Variants in CELSR1 observed in about 807,000 individuals in gnomAD.
CELSR1 encodes the protein cadherin EGF LAG seven-pass G-type receptor 1.
CELSR1 carries 110 observed loss-of-function variants against 249.1 expected under a neutral mutation model. The ratio of observed to expected loss-of-function variants is 0.44; its 90% CI spans 0.38 to 0.52. The LOEUF (loss-of-function observed/expected upper bound fraction) is 0.52. Among genes scored for constraint, CELSR1 ranks in the 20% least tolerant of loss-of-function variants. The pLI is 0.00. For synonymous variants in CELSR1, 2,113 were observed against 1,900.0 expected, an observed-to-expected ratio of 1.11 and a Z score of -2.92; for missense variants, 4,109 against 4,296.4, an observed-to-expected ratio of 0.96 and a Z score of 1.22.
chr22:46,365,751 G>T (rs999029366), intron 30 of CELSR1, 62 bp from the exon 31 acceptor site: 1 of 1,332,384 alleles, frequency 7.5e-7, no homozygotes, highest in Non-Finnish European at 1.0e-6. Flanking sequence ...GTGCTGGAAA[G>T]TTCTCTGGAA....
chr22:46,439,135 GCTCGCCCCTTTC>G, intron 3 of CELSR1, 42 bp downstream of exon 3: 2 of 1,511,136 alleles, frequency 1.3e-6, no homozygotes, highest in Non-Finnish European at 1.8e-6. Flanking sequence ...GCACGGAGAA[GCTCGCCCCTTTC>G]CTAAAGAGAC....
At position 46,407,269 on chromosome 22, in the gene CELSR1, G is replaced by A. The variant is rs965691302; in HGVS notation, c.5226+1727C>T. Reference sequence around the variant, plus strand: ...CACACAGACATGCACAAATGTGCACGCATGGAGAGATGCACATACACAGAC... The same window carrying A: ...CACACAGACATGCACAAATGTGCACACATGGAGAGATGCACATACACAGAC... On this transcript the variant is annotated intron_variant, in intron 9 of 34. Coordinates refer to ENST00000674500, the MANE Select transcript of CELSR1 (RefSeq NM_001378328.1). This position sits in a 1 kb window ranked among gnomAD's most constrained non-coding sequence, Gnocchi z 4.8. Among the ~76,000 whole-genome samples the A allele has an allele frequency of 3.3e-5, 5 of 152,152 alleles. No individual in the cohort carries two copies. Among genetic ancestry groups the A allele is most frequent in the Non-Finnish European group, 7.3e-5 (5 of 68,036 alleles).
At chr22:46,529,494 C>T (rs906594067) in intron 1 of CELSR1, among the ~76,000 whole-genome samples, 7 of 150,604 alleles carry the variant, frequency 4.6e-5, no homozygotes, top group Non-Finnish European at 5.9e-5. Context: ...TCAATGGGTA[C>T]AAAAAAATAG....
At chr22:46,382,526 T>C (rs969889289) in intron 20 of CELSR1, among the ~76,000 whole-genome samples, 1 of 152,136 alleles carries the variant, frequency 6.6e-6, no homozygotes, top group Non-Finnish European at 1.5e-5. Context: ...TCCGCCCGCC[T>C]CGGCCTCCCA....
rs145970212 is a variant in CELSR1, at chr22:46,440,963, G to A, written c.4184-1552C>T. Among the ~76,000 whole-genome samples, 4,112 of 152,020 alleles carry A rather than the reference G, an allele frequency of 0.027. 188 individuals carry two copies. Among genetic ancestry groups the A allele is most frequent in the African/African-American group, 0.095 (3,923 of 41,414 alleles). On this transcript the variant is annotated intron_variant, in intron 2 of 34. Transcript: ENST00000674500. This position sits in a 1 kb window ranked among gnomAD's most constrained non-coding sequence, Gnocchi z 4.7. ...AGGCCAGGAGTTGAAGACCAGCCTG[G>A]CCAACATGGTGAAACCCCGTCTCTA...
rs1234143367 is a variant in CELSR1 at position 46,526,225 on chromosome 22, GT to G, written c.3544+7401del. On this transcript the variant is annotated intron_variant, in intron 1 of 34. Coordinates refer to ENST00000674500, the MANE Select transcript of CELSR1 (RefSeq NM_001378328.1). The surrounding 1 kb of genome is among the most constrained non-coding windows in gnomAD (Gnocchi z 4.7). ...GACTCAGAGAGAGGCAGAAGTTACT[GT>G]CCTGGCAAACCCGTCTACGAAGCTT... Among the ~76,000 whole-genome samples the G allele has an allele frequency of 6.6e-6, 1 of 152,162 alleles. No homozygotes were observed. The highest frequency in any genetic ancestry group is 6.5e-5 in the Admixed American group (1 of 15,284).
At chr22:46,438,897 A>C (rs1337584929) in intron 3 of CELSR1, among the ~76,000 whole-genome samples, 2 of 152,168 alleles carry the variant, frequency 1.3e-5, no homozygotes, top group African/African-American at 4.8e-5. Context: ...AGCTGGGATT[A>C]CAGGCATAAA....
Position 46,389,003 on chromosome 22 carries a change from G to A in CELSR1, c.6555+287C>T, listed in dbSNP as rs530659796. ...AAGGGAGAGGGGCTGATGCAGGTGG[G>A]CCACTTAGAATCCCTTAGAAGCCAC... is the stretch of plus-strand genomic sequence containing the variant. On this transcript the variant is annotated intron_variant, in intron 18 of 34. Coordinates refer to ENST00000674500, the MANE Select transcript of CELSR1 (RefSeq NM_001378328.1). Among the ~76,000 whole-genome samples, 7 of 152,322 alleles carry A rather than the reference G, an allele frequency of 4.6e-5. No individual in the cohort carries two copies. The East Asian group carries it at 1.4e-3, about 29-fold the overall frequency.
At chr22:46,384,443 G>C in intron 20 of CELSR1, 100 bp downstream of exon 20, 6 of 1,372,460 alleles carry the variant, frequency 4.4e-6, no homozygotes, top group Non-Finnish European at 5.8e-6. Context: ...CTCTGGCCCA[G>C]ATCTTCAGTG....
intron 17 of CELSR1, among the ~76,000 whole-genome samples, 192 bp from the exon 18 acceptor site, chr22:46,389,691 A>G (rs376119504): frequency 1.3e-5 from 2 of 152,200 alleles, no homozygotes; most frequent in Admixed American, 1.3e-4. Flanking sequence ...CAAGGCGGGT[A>G]GATCATTTGA....
rs762352956 is a variant in CELSR1, at chr22:46,364,561, G to C, written c.8730C>G (p.Ser2910Arg). 6.2e-7 allele frequency: 1 copy of C among 1,612,256 alleles called. No individual in the cohort carries two copies. The highest frequency in any genetic ancestry group is 1.7e-5 in the Admixed American group (1 of 60,010). Residue 2910 changes from serine to arginine, a missense_variant, in exon 33 of 35, where the codon AGC becomes AGG. By Grantham distance (110) the Ser-to-Arg change is moderately radical. Transcript: ENST00000674500. The part of the protein sequence containing the change: ...HRGEYPPDQE[S>R]GGAARLASSQ... ...TGCTAGCAAGCCTGGCTGCGCCCCC[G>C]CTCTCCTGGTCCGGGGGGTACTCTC...
rs777973248 is a variant in CELSR1 at position 46,447,353 on chromosome 22, T to C, written c.4184-7942A>G. Among the ~76,000 whole-genome samples, 2 of 152,234 alleles carry C rather than the reference T, an allele frequency of 1.3e-5. No homozygotes were observed. The highest frequency in any genetic ancestry group is 2.4e-5 in the African/African-American group (1 of 41,462). ...GCTATGCTGACTATCAGGATTTATC[T>C]TTCCTTTTCTAGGAATTCTCATTCA... On this transcript the variant is annotated intron_variant, in intron 2 of 34. Transcript: ENST00000674500. This position sits in a 1 kb window ranked among gnomAD's most constrained non-coding sequence, Gnocchi z 4.7.
At chr22:46,507,519 C>T (rs959523768) in intron 1 of CELSR1, among the ~76,000 whole-genome samples, 12 of 152,142 alleles carry the variant, frequency 7.9e-5, no homozygotes, top group African/African-American at 2.4e-4. Context: ...GGGCTATACT[C>T]GGTGTGCCCC....
chr22:46,405,987 C>G (rs2079262164), intron 9 of CELSR1, among the ~76,000 whole-genome samples: 1 of 152,196 alleles, frequency 6.6e-6, no homozygotes. Context: ...GCCACCCAGA[C>G]TTCCACAGGG....
At chr22:46,397,008 G>GCCCC (rs1569133437) in intron 12 of CELSR1, among the ~76,000 whole-genome samples, 4,947 of 152,234 alleles carry the variant, frequency 0.032, 266 homozygotes, top group African/African-American at 0.11. Flanking sequence ...CAGGACACAT[G>GCCCC]GGGAATGGCC....
intron 32 of CELSR1, among the ~76,000 whole-genome samples, 187 bp from the exon 33 acceptor site, chr22:46,364,923 C>G (rs1046533688): frequency 1.5e-4 from 23 of 152,210 alleles, no homozygotes; most frequent in African/African-American, 4.8e-4. Flanking sequence ...TTGTTGGGAG[C>G]CCCCGCCGCA....
rs897818617 is a variant in CELSR1 at position 46,517,127 on chromosome 22, T to C, written c.3544+16500A>G. ...CCCAATGGATCATTCCCCTGAGGTATACAAACCACCTCCCCATCCCCCACT... is the reference window on the plus strand; with the variant it reads ...CCCAATGGATCATTCCCCTGAGGTACACAAACCACCTCCCCATCCCCCACT... On this transcript the variant is annotated intron_variant, in intron 1 of 34. Coordinates refer to ENST00000674500, the MANE Select transcript of CELSR1 (RefSeq NM_001378328.1). This position sits in a 1 kb window ranked among gnomAD's most constrained non-coding sequence, Gnocchi z 5.4. 1.3e-5 allele frequency among the ~76,000 whole-genome samples: 2 copies of C among 152,194 alleles called. No homozygotes were observed. Among genetic ancestry groups the C allele is most frequent in the Non-Finnish European group, 2.9e-5 (2 of 68,016 alleles).
At chr22:46,397,126 A>T (rs982557730) in intron 12 of CELSR1, among the ~76,000 whole-genome samples, 3 of 151,954 alleles carry the variant, frequency 2.0e-5, no homozygotes, top group Admixed American at 2.0e-4. Context: ...ATTTATTGAG[A>T]AGAGTCTTGC....
chr22:46,483,249 A>G (rs2080283436), intron 1 of CELSR1, among the ~76,000 whole-genome samples: 1 of 152,204 alleles, frequency 6.6e-6, no homozygotes. Context: ...GGACTTTAGA[A>G]AGAACCTTAT....
Sources: allele counts gnomAD v4.1 joint callset (sites outside exome capture counted in the v4.1 genomes callset), GRCh38; gene constraint gnomAD v4.1.1; non-coding constraint Gnocchi (gnomAD v3.1); transcripts MANE v1.5; gene names NCBI Gene and HGNC (gene_info 2026-07-23, HGNC 2026-07-21).